Variants in SHROOM4 observed in about 807,000 individuals in gnomAD.
SHROOM4 encodes the protein protein Shroom4.
In SHROOM4, 17 loss-of-function variants were observed where a neutral mutation model predicts 80.3. The ratio of observed to expected loss-of-function variants is 0.21; its 90% CI spans 0.14 to 0.32. The LOEUF is 0.32. SHROOM4 is among the 10% of genes least tolerant of loss of function. SHROOM4 has a pLI of 1.00. For synonymous variants in SHROOM4, 400 were observed against 437.5 expected, an observed-to-expected ratio of 0.91 and a Z score of 1.07; for missense variants, 993 against 1,140.3, an observed-to-expected ratio of 0.87 and a Z score of 1.86.
At position 50,735,724 on chromosome X, in the gene SHROOM4, G is replaced by A. The variant is rs1382762898; in HGVS notation, c.118-39787C>T. Among the ~76,000 whole-genome samples, 6 of 111,519 alleles carry A rather than the reference G, an allele frequency of 5.4e-5. No individual in the cohort carries two copies. In the East Asian group the frequency reaches 8.5e-4, roughly 16 times the overall value. On this transcript the variant is annotated intron_variant, in intron 1 of 8. Transcript: ENST00000376020. Reference sequence around the variant, plus strand: ...ACAAACACATGAAAAGATGATTAACGTGGCTGGGCGCAGTGGCTCACGCCT... The same window carrying A: ...ACAAACACATGAAAAGATGATTAACATGGCTGGGCGCAGTGGCTCACGCCT...
chrX:50,658,648 C>A (rs782189765), intron 2 of SHROOM4, among the ~76,000 whole-genome samples: 1 of 111,347 alleles, frequency 9.0e-6, no homozygotes, highest in East Asian at 2.8e-4. Context: ...ACTATTCTAA[C>A]CTCCCTCCTC....
intron 1 of SHROOM4, among the ~76,000 whole-genome samples, chrX:50,730,770 G>A (rs978469457): frequency 4.3e-5 from 3 of 69,814 alleles, no homozygotes; most frequent in Admixed American, 4.1e-4. Flanking sequence ...GCAAGACTCC[G>A]TCTCAGAAAA....
chrX:50,740,371 A>G (rs1397981828), intron 1 of SHROOM4, among the ~76,000 whole-genome samples: 1 of 112,070 alleles, frequency 8.9e-6, no homozygotes, highest in Non-Finnish European at 1.9e-5. Flanking sequence ...ATATTTTATA[A>G]TGATAAAAGG....
intron 1 of SHROOM4, among the ~76,000 whole-genome samples, chrX:50,811,150 A>ACAAAAATT (rs1174705449): frequency 1.8e-5 from 2 of 110,314 alleles, no homozygotes; most frequent in African/African-American, 6.6e-5. Context: ...ATACAAAAAT[A>ACAAAAATT]CAAAAAATCA....
chrX:50,781,729 G>GA (rs1220082063), intron 1 of SHROOM4, among the ~76,000 whole-genome samples: 7 of 108,065 alleles, frequency 6.5e-5, no homozygotes, highest in African/African-American at 1.3e-4. Flanking sequence ...GAAACAGAAA[G>GA]AAAAAAAAAT....
At position 50,598,373 on chromosome X, in the gene SHROOM4, C is replaced by A; in HGVS notation, c.4105G>T (p.Val1369Phe). 1 of 1,211,146 alleles carries A rather than the reference C, an allele frequency of 8.3e-7. No individual in the cohort carries two copies. Among genetic ancestry groups the A allele is most frequent in the Non-Finnish European group, 1.1e-6 (1 of 895,341 alleles). Residue 1369 changes from valine (V) to phenylalanine (F), a missense_variant, in exon 8 of 9, where the codon GTT becomes TTT. Val to Phe is a conservative substitution (Grantham distance 50). Transcript: ENST00000376020. ...TTGACCACTTTGTCCAGGTCCCCAACAAACAAGTGGTACTTTTCAAATTCA... is the reference window on the plus strand; with the variant it reads ...TTGACCACTTTGTCCAGGTCCCCAAAAAACAAGTGGTACTTTTCAAATTCA... ...SNEFEKYHLF[V>F]GDLDKVVNLL...
In SHROOM4 at chrX:50,709,145, C is replaced by T. The variant is rs1384984229; in HGVS notation, c.118-13208G>A. 8.1e-5 allele frequency among the ~76,000 whole-genome samples: 9 copies of T among 111,197 alleles called. No homozygotes were observed. The South Asian group carries it at 1.6e-3, about 19-fold the overall frequency. ...TTGCAACATTCCGGGATCTGTAACA[C>T]GGTCACTGGGACACTTGAAAAGAAA... On this transcript the variant is annotated intron_variant, in intron 1 of 8. Transcript: ENST00000376020.
intron 5 of SHROOM4, among the ~76,000 whole-genome samples, chrX:50,625,264 C>T (rs1306796350): frequency 8.9e-6 from 1 of 112,040 alleles, no homozygotes; most frequent in African/African-American, 3.2e-5. Context: ...TTGGAAACAA[C>T]CTATTTACCC....
intron 1 of SHROOM4, among the ~76,000 whole-genome samples, chrX:50,776,857 T>G (rs1289772293): frequency 1.8e-5 from 2 of 108,559 alleles, no homozygotes; most frequent in Non-Finnish European, 3.8e-5. Context: ...CCTGGCTAAT[T>G]TTTGAATTTT....
intron 7 of SHROOM4, among the ~76,000 whole-genome samples, chrX:50,599,007 T>TG (rs1557247246): frequency 1.4e-4 from 11 of 78,276 alleles, no homozygotes; most frequent in Non-Finnish European, 2.8e-4. Context: ...TGTGTGTGTG[T>TG]TTGTGTGTGT....
intron 2 of SHROOM4, among the ~76,000 whole-genome samples, chrX:50,661,282 G>A (rs1022376275): frequency 1.8e-5 from 2 of 111,019 alleles, no homozygotes; most frequent in Non-Finnish European, 3.8e-5. Context: ...GCAGTGGTGC[G>A]ATCTCCACTC....
At chrX:50,693,821 C>A (rs1602439232) in intron 2 of SHROOM4, among the ~76,000 whole-genome samples, 2 of 110,366 alleles carry the variant, frequency 1.8e-5, no homozygotes, top group East Asian at 5.7e-4. Flanking sequence ...AACACTAGAT[C>A]TTATTCATTC....
Position 50,607,799 on chromosome X carries a change from A to G in SHROOM4, c.3343T>C (p.Phe1115Leu), listed in dbSNP as rs781873200. ...PPPNWEKYRL[F>L]RAAQQQKQQQ... ...TGCTTCTGCTGCTGGGCTGCACGAA[A>G]GAGCCTGTACTTCTCCCAGTTGGGA... Residue 1115 changes from phenylalanine to leucine, a missense_variant, in exon 6 of 9, where the codon TTT becomes CTT. Transcript: ENST00000376020. 8.5e-7 allele frequency: 1 copy of G among 1,171,491 alleles called. No individual in the cohort carries two copies. Among genetic ancestry groups the G allele is most frequent in the Non-Finnish European group, 1.1e-6 (1 of 874,762 alleles).
intron 5 of SHROOM4, among the ~76,000 whole-genome samples, chrX:50,617,622 T>TCCCCC (rs58839497): frequency 1.6e-5 from 1 of 63,296 alleles, no homozygotes; most frequent in Non-Finnish European, 3.0e-5. Flanking sequence ...CTTAAAAAAA[T>TCCCCC]CCCCCCCCCC....
intron 5 of SHROOM4, among the ~76,000 whole-genome samples, chrX:50,625,902 C>T (rs1458722883): frequency 5.3e-5 from 6 of 112,472 alleles, no homozygotes; most frequent in Non-Finnish European, 1.1e-4. Context: ...ACTCACCTTT[C>T]TTCTCTGCTG....
At chrX:50,770,741 G>A (rs781885209) in intron 1 of SHROOM4, among the ~76,000 whole-genome samples, 5 of 111,828 alleles carry the variant, frequency 4.5e-5, no homozygotes, top group East Asian at 5.7e-4. Context: ...AGTACCAGGC[G>A]TCTGCTCCTC....
chrX:50,692,996 T>C (rs886906259), intron 2 of SHROOM4, among the ~76,000 whole-genome samples: 1 of 111,589 alleles, frequency 9.0e-6, no homozygotes, highest in African/African-American at 3.3e-5. Context: ...TGTGTTAGGT[T>C]TGGGGCATGT....
chrX:50,651,384 GAAATAAATCACATAAGGCT>G (rs1437387719), intron 2 of SHROOM4, among the ~76,000 whole-genome samples: 25 of 111,724 alleles, frequency 2.2e-4, no homozygotes, highest in African/African-American at 7.5e-4. Flanking sequence ...TTAGGGAGGT[GAAATAAATCACATAAGGCT>G]TGAACACAAG....
chrX:50,685,258 A>G (rs1404313376), intron 2 of SHROOM4, among the ~76,000 whole-genome samples: 1 of 111,736 alleles, frequency 8.9e-6, no homozygotes, highest in Non-Finnish European at 1.9e-5. Flanking sequence ...AGTGGATTCT[A>G]CTATTGTGAG....
Sources: gnomAD v4.1 joint callset for allele counts (sites outside exome capture counted in the v4.1 genomes callset) on GRCh38, gnomAD v4.1.1 for gene constraint, MANE v1.5 for transcripts, NCBI Gene and HGNC (gene_info 2026-07-23, HGNC 2026-07-21) for gene names.